Variants in TSN observed in about 807,000 individuals in gnomAD.
TSN encodes translin.
Under a neutral mutation model 29.4 loss-of-function variants are expected in TSN, and 5 were observed. That is an observed-to-expected ratio of 0.17 (90% CI 0.09 to 0.36). TSN has a LOEUF of 0.36. Ranked by LOEUF, TSN falls within the 10% of genes least tolerant of loss-of-function variation. The pLI is 1.00. For missense variants in TSN, 159 were observed against 272.8 expected (o/e 0.58, Z 2.94); for synonymous variants, 106 against 102.2 (o/e 1.04, Z -0.23).
chr2:121,760,249 T>C (rs2106454154), intron 3 of TSN, among the ~76,000 whole-genome samples: 1 of 152,366 alleles, frequency 6.6e-6, no homozygotes, highest in East Asian at 1.9e-4. Flanking sequence ...CTAGGTTGCA[T>C]GCTCCTTATG....
At chr2:121,761,993 A>ATT (rs752583785) in intron 4 of TSN, among the ~76,000 whole-genome samples, 13 of 129,172 alleles carry the variant, frequency 1.0e-4, no homozygotes, top group African/African-American at 2.6e-4. Context: ...AATTTTTTGT[A>ATT]TTTTTTTTTT....
chr2:121,759,073 T>A (rs2074786846), intron 3 of TSN, among the ~76,000 whole-genome samples: 1 of 152,218 alleles, frequency 6.6e-6, no homozygotes, highest in South Asian at 2.1e-4. Flanking sequence ...AAAGTGAGAA[T>A]ATCTTTTTGC....
intron 4 of TSN, among the ~76,000 whole-genome samples, chr2:121,762,692 T>C (rs182516408): frequency 6.6e-6 from 1 of 152,324 alleles, no homozygotes; most frequent in South Asian, 2.1e-4. Flanking sequence ...TGTCAGCCAT[T>C]TGAAAGTTGC....
Position 121,755,701 on chromosome 2 carries a change from T to C in TSN, c.-79T>C, listed in dbSNP as rs371092504. On this transcript the variant is annotated 5_prime_UTR_variant, in exon 1 of 6. Transcript: ENST00000389682. ...GCGGCGGTAGCGGCGGCCGTTGCGA[T>C]TGATTGCGCTGGTTGCCTGCGGCGT... 2 of 1,578,686 alleles carry C rather than the reference T, an allele frequency of 1.3e-6. No individual in the cohort carries two copies. The highest frequency in any genetic ancestry group is 1.7e-6 in the Non-Finnish European group (2 of 1,158,394).
chr2:121,762,008 C>T (rs2074837195), intron 4 of TSN, among the ~76,000 whole-genome samples: 1 of 139,754 alleles, frequency 7.2e-6, no homozygotes, highest in African/African-American at 2.9e-5. Flanking sequence ...TTTTTTTTTT[C>T]CGAAATGGAG....
At position 121,765,204 on chromosome 2, in the gene TSN, A is replaced by G. The variant is rs774578869; in HGVS notation, c.524A>G (p.Asn175Ser). The G allele has an allele frequency of 1.2e-5, 19 of 1,614,042 alleles. No homozygotes were observed. Among genetic ancestry groups the G allele is most frequent in the African/African-American group, 4.0e-5 (3 of 74,906 alleles). ...SRPLHISTFI[N>S]ELDSGFRLLN... ...CCCCTCCACATCTCCACCTTCATCA[A>G]TGAGCTGGATTCCGGTTTTCGCCTT... Residue 175 changes from asparagine to serine, a missense_variant, in exon 6 of 6, where the codon AAT (asparagine) becomes AGT (serine). Coordinates refer to ENST00000389682, the MANE Select transcript of TSN (RefSeq NM_004622.3).
chr2:121,757,509 TA>T, intron 2 of TSN, 176 bp downstream of exon 2: 1 of 1,247,502 alleles, frequency 8.0e-7, no homozygotes. Context: ...CAGTATGGTT[TA>T]AACAGAGATG....
intron 1 of TSN, chr2:121,756,782 AC>A (rs1272718533): frequency 1.6e-5 from 6 of 381,988 alleles, no homozygotes; most frequent in Non-Finnish European, 2.9e-5. Context: ...GGTTGCGCAC[AC>A]CTGTAATCCC....
chr2:121,758,178 C>G (rs937621513), intron 2 of TSN, among the ~76,000 whole-genome samples: 1 of 152,084 alleles, frequency 6.6e-6, no homozygotes, highest in Non-Finnish European at 1.5e-5. Context: ...TAAAATATGT[C>G]AAGTTTAGAC....
Position 121,763,127 on chromosome 2 carries a change from T to C in TSN, c.453+43T>C, listed in dbSNP as rs577160868. The C allele has an allele frequency of 2.8e-5, 35 of 1,244,920 alleles. No homozygotes were observed. The South Asian group carries it at 4.3e-4, about 15-fold the overall frequency. The allele number at this position is 1,244,920 out of a possible 1,614,324, so 77.1% of individuals were successfully genotyped here. ...CTGGTTGCTTTTTTGATCTTTCTGCTTCACTGTCAGTTTTTTTTTTTTTTT... is the reference window on the plus strand; with the variant it reads ...CTGGTTGCTTTTTTGATCTTTCTGCCTCACTGTCAGTTTTTTTTTTTTTTT... On this transcript the variant is annotated intron_variant, in intron 5 of 5. Transcript: ENST00000389682.
rs1178743119 is a variant in TSN, at chr2:121,765,668, C to T, written c.*301C>T. 2.5e-6 allele frequency: 1 copy of T among 400,166 alleles called. No homozygotes were observed. Among genetic ancestry groups the T allele is most frequent in the African/African-American group, 2.0e-5 (1 of 49,384 alleles). 24.8% of individuals were successfully genotyped at this position (400,166 alleles called of 1,614,324 possible). On this transcript the variant is annotated 3_prime_UTR_variant, in exon 6 of 6. Transcript: ENST00000389682. ...AAAGTCCTTTTCTTGCTTACCTTGA[C>T]TGTTGATGTACTGATTGAGAAGTTC...
chr2:121,764,925 A>T lies in TSN; in HGVS notation c.454-209A>T, dbSNP rs79022437. Among the ~76,000 whole-genome samples, 1,475 of 152,300 alleles carry T rather than the reference A, an allele frequency of 9.7e-3. 28 individuals carry two copies. The highest frequency in any genetic ancestry group is 0.034 in the African/African-American group (1,412 of 41,560). On this transcript the variant is annotated intron_variant, in intron 5 of 5. Coordinates refer to ENST00000389682, the MANE Select transcript of TSN (RefSeq NM_004622.3). ...ATTAGAGAAATTTTAGATGTTAGTA[A>T]TGTTAAATTTTACTTGGCAGAACTG...
intron 5 of TSN, among the ~76,000 whole-genome samples, chr2:121,764,176 C>A (rs1269156802): frequency 3.3e-5 from 5 of 152,088 alleles, no homozygotes; most frequent in Admixed American, 3.3e-4. Flanking sequence ...GCATTGAAAA[C>A]CTGAGGAAGA....
In TSN at chr2:121,767,232, A is replaced by G. The variant is rs192387445; in HGVS notation, c.*1865A>G. ...ATTTAGAAGTGTCATGTTTATAACT[A>G]TTCAGTTGTGTTTGTTGCTGGCTTG... On this transcript the variant is annotated 3_prime_UTR_variant, in exon 6 of 6. Transcript: ENST00000389682. 1 of 152,152 alleles carries G rather than the reference A, an allele frequency of 6.6e-6. No individual in the cohort carries two copies. The highest frequency in any genetic ancestry group is 1.5e-5 in the Non-Finnish European group (1 of 68,024). The allele number at this position is 152,152 out of a possible 1,614,324, so 9.4% of individuals were successfully genotyped here. A position where few individuals can be genotyped will look rare whatever the true frequency, so the allele number is the denominator to read the frequency against.
chr2:121,763,155 T>G, intron 5 of TSN, 71 bp downstream of exon 5: 1 of 1,298,688 alleles, frequency 7.7e-7, no homozygotes, highest in Non-Finnish European at 1.1e-6. Flanking sequence ...TTTTTTTTTT[T>G]TTTTTGAGAC....
chr2:121,760,033 T>C lies in TSN; in HGVS notation c.257+1227T>C, dbSNP rs6713200. Among the ~76,000 whole-genome samples the C allele has an allele frequency of 7.1e-3, 1,086 of 152,346 alleles. 14 individuals carry two copies. The highest frequency in any genetic ancestry group is 0.025 in the African/African-American group (1,044 of 41,584). ...GCAGGGGTTCCCAACCCCCAGGCCA[T>C]GGACTGGTACTGGTCTGTGGCCTGT... On this transcript the variant is annotated intron_variant, in intron 3 of 5. Transcript: ENST00000389682.
Position 121,765,462 on chromosome 2 carries a change from C to G in TSN, c.*95C>G, listed in dbSNP as rs909727483. On this transcript the variant is annotated 3_prime_UTR_variant, in exon 6 of 6. Coordinates refer to ENST00000389682, the MANE Select transcript of TSN (RefSeq NM_004622.3). ...TTACGGTAGTTAGGATGCTCAGTTG[C>G]TAAACACTGCGCTTTATTTTCTTAA... 1 of 1,085,818 alleles carries G rather than the reference C, an allele frequency of 9.2e-7. No homozygotes were observed. The highest frequency in any genetic ancestry group is 1.4e-6 in the Non-Finnish European group (1 of 733,224). The allele number at this position is 1,085,818 out of a possible 1,614,324, so 67.3% of individuals were successfully genotyped here.
intron 2 of TSN, chr2:121,757,658 A>T (rs1012053963): frequency 9.0e-5 from 21 of 234,458 alleles, no homozygotes; most frequent in Non-Finnish European, 9.1e-5. Flanking sequence ...TTATTTTTTT[A>T]ATTTTTTTTT....
chr2:121,764,487 A>G (rs1378177537), intron 5 of TSN, among the ~76,000 whole-genome samples: 1 of 152,158 alleles, frequency 6.6e-6, no homozygotes, highest in Non-Finnish European at 1.5e-5. Flanking sequence ...TTGACAGTGC[A>G]CTAAAGGGGT....
Sources: gnomAD v4.1 joint callset for allele counts (sites outside exome capture counted in the v4.1 genomes callset) on GRCh38, gnomAD v4.1.1 for gene constraint, MANE v1.5 for transcripts, NCBI Gene and HGNC (gene_info 2026-07-23, HGNC 2026-07-21) for gene names.